Variants in SUGP2 observed in about 807,000 individuals in gnomAD.
SUGP2 encodes the protein SURP and G-patch domain containing 2, also known as SURP and G-patch domain-containing protein 2.
In SUGP2, 24 loss-of-function variants were observed where a neutral mutation model predicts 90.5. The observed-to-expected ratio is 0.27, with a 90% CI of 0.19 to 0.37. The LOEUF (loss-of-function observed/expected upper bound fraction) is 0.37, where lower values mean the gene tolerates loss of function less well. Among genes scored for constraint, SUGP2 ranks in the 10% least tolerant of loss-of-function variants. The pLI is 1.00. For synonymous variants in SUGP2, 473 were observed against 513.4 expected (o/e 0.92, Z 1.06); for missense variants, 1,233 against 1,363.3 (o/e 0.90, Z 1.51).
chr19:19,033,270 G>A lies in SUGP2; in HGVS notation c.-12+167C>T, dbSNP rs1338405592. The A allele has an allele frequency of 8.1e-6, 6 of 739,412 alleles. No homozygotes were observed. In the East Asian group the frequency reaches 5.2e-4, roughly 64 times the overall value. 45.8% of individuals were successfully genotyped at this position (739,412 alleles called of 1,614,324 possible). On this transcript the variant is annotated intron_variant, in intron 1 of 10. Transcript: ENST00000452918. Reference sequence around the variant, plus strand: ...GGAAATGGGGGCGCCGGGCCCGGGAGGCCGCAGCCGGCCACCCAGGCCAAC... The same window carrying A: ...GGAAATGGGGGCGCCGGGCCCGGGAAGCCGCAGCCGGCCACCCAGGCCAAC...
At chr19:19,004,902 G>C (rs941112859) in intron 6 of SUGP2, among the ~76,000 whole-genome samples, 3 of 152,192 alleles carry the variant, frequency 2.0e-5, no homozygotes, top group Non-Finnish European at 2.9e-5. Flanking sequence ...GACGAACAAG[G>C]TATGCAGGGC....
Position 19,004,348 on chromosome 19 carries a change from C to T in SUGP2, c.2749G>A (p.Gly917Ser). Reference protein sequence around the residue: ...PAPGGAGKSEGSTPADGLPGE... With the variant: ...PAPGGAGKSESSTPADGLPGE... ...GGAAGGCCGTCGGCAGGGGTGCTGC[C>T]CTCAGACTTGCCCGCCCCTCCAGGA... Residue 917 changes from glycine (G) to serine (S), a missense_variant, in exon 7 of 11, where the codon GGC becomes AGC. Physicochemically the swap from Gly to Ser is moderately conservative, Grantham distance 56 (BLOSUM62 0). Transcript: ENST00000452918. 6.2e-7 allele frequency: 1 copy of T among 1,613,550 alleles called. No homozygotes were observed. Among genetic ancestry groups the T allele is most frequent in the Non-Finnish European group, 8.5e-7 (1 of 1,179,728 alleles).
At chr19:19,026,334 T>C (rs747291711) in intron 2 of SUGP2, 108 bp from the exon 3 acceptor site, 7 of 1,085,086 alleles carry the variant, frequency 6.5e-6, no homozygotes, top group African/African-American at 4.8e-5. Context: ...GCAGCAAAAC[T>C]GCTTTATACA....
In SUGP2 at chr19:19,026,186, A is replaced by G; in HGVS notation, c.162T>C (p.Tyr54=). ...ATCTGCCATCGCTGTGGACGTCATC[A>G]TACATCTCTGCTCTGGATCTTGGGA... ...RAVPRSRAEM[Y]DDVHSDGRYS... is the part of the protein sequence containing the mutation. The change falls in exon 3 of 11, where the codon TAT becomes TAC. Residue 54 remains tyrosine, a synonymous_variant. Coordinates refer to ENST00000452918, the MANE Select transcript of SUGP2 (RefSeq NM_001017392.5). 1.9e-6 allele frequency: 3 copies of G among 1,611,498 alleles called. No individual in the cohort carries two copies. Among genetic ancestry groups the G allele is most frequent in the Non-Finnish European group, 2.5e-6 (3 of 1,179,234 alleles).
chr19:18,995,367 AC>A, intron 8 of SUGP2, 87 bp from the exon 9 acceptor site: 6 of 1,422,182 alleles, frequency 4.2e-6, no homozygotes, highest in Non-Finnish European at 5.6e-6. Context: ...GGAGCCCCTC[AC>A]CCCCAAATGC....
At chr19:19,033,368 C>T (rs979172622) in intron 1 of SUGP2, 69 bp downstream of exon 1, 40 of 1,196,906 alleles carry the variant, frequency 3.3e-5, no homozygotes, top group Non-Finnish European at 4.0e-5. Flanking sequence ...CGGGGCGGGC[C>T]CCCAAGGCCG....
rs769043198 is a variant in SUGP2, at chr19:19,010,159, C to T, written c.2034G>A (p.Gln678=). ...RNLKKKLLPW[Q]RRGLLRAQGL... is the part of the protein sequence containing the mutation. The stretch of plus-strand genomic sequence containing the variant: ...CTTGAGCACGGAGGAGCCCCCGCCG[C>T]TGCCACGGAAGGAGTTTCTTCTTGA... Residue 678 remains glutamine, a synonymous_variant, in exon 5 of 11, where the codon CAG becomes CAA. Transcript: ENST00000452918. The T allele has an allele frequency of 3.1e-6, 5 of 1,613,456 alleles. No individual in the cohort carries two copies. In the South Asian group the frequency reaches 4.4e-5, roughly 14 times the overall value.
intron 9 of SUGP2, chr19:18,994,928 A>AG: frequency 1.6e-6 from 1 of 610,178 alleles, no homozygotes; most frequent in Admixed American, 3.0e-5. Context: ...CAGGGCCAAC[A>AG]AGCTGGTTAA....
chr19:18,994,332 G>A (rs1450098274), intron 10 of SUGP2, 34 bp downstream of exon 10: 6 of 1,603,540 alleles, frequency 3.7e-6, no homozygotes, highest in Non-Finnish European at 4.3e-6. Context: ...GCCAGCGAGG[G>A]CAGACGGCCT....
intron 1 of SUGP2, among the ~76,000 whole-genome samples, chr19:19,031,345 C>A (rs2059141462): frequency 6.6e-6 from 1 of 152,042 alleles, no homozygotes; most frequent in Non-Finnish European, 1.5e-5. Flanking sequence ...ACCAGCCTGG[C>A]CAACATGGCA....
rs546767934 is a variant in SUGP2, at chr19:19,033,224, T to C, written c.-12+213A>G. On this transcript the variant is annotated intron_variant, in intron 1 of 10. Coordinates refer to ENST00000452918, the MANE Select transcript of SUGP2 (RefSeq NM_001017392.5). ...GAGCCTTTGTGGACGCGGCCCGCCG[T>C]CTCCCGGCCTCTGCGGGCGAGGAAA... 253 of 322,878 alleles carry C rather than the reference T, an allele frequency of 7.8e-4. 3 individuals are homozygous for C. Among genetic ancestry groups the C allele is most frequent in the African/African-American group, 5.3e-3 (237 of 44,826 alleles). The allele number at this position is 322,878 out of a possible 1,614,324, so 20.0% of individuals were successfully genotyped here. A position where few individuals can be genotyped will look rare whatever the true frequency, so the allele number is the denominator to read the frequency against.
chr19:18,993,149 TTTCA>T lies in SUGP2; in HGVS notation c.*588_*591del, dbSNP rs2057432605. On this transcript the variant is annotated 3_prime_UTR_variant, in exon 11 of 11. Coordinates refer to ENST00000452918, the MANE Select transcript of SUGP2 (RefSeq NM_001017392.5). ...GAGCTATTCTATACTGTTGCTAAAATTTCATTAAGTCTCTCAAGATGCATTGATG... is the reference window on the plus strand; with the variant it reads ...GAGCTATTCTATACTGTTGCTAAAATTTAAGTCTCTCAAGATGCATTGATG... 1 of 152,198 alleles carries T rather than the reference TTTCA, an allele frequency of 6.6e-6. No individual in the cohort carries two copies. Among genetic ancestry groups the T allele is most frequent in the African/African-American group, 2.4e-5 (1 of 41,452 alleles). The allele number at this position is 152,198 out of a possible 1,614,324, so 9.4% of individuals were successfully genotyped here.
At chr19:19,010,843 A>AAC (rs71871126) in intron 4 of SUGP2, among the ~76,000 whole-genome samples, 3,497 of 152,240 alleles carry the variant, frequency 0.023, 131 homozygotes, top group African/African-American at 0.08. Context: ...TACATGTACT[A>AAC]ACAGAAAAAT....
At chr19:18,994,878 A>G (rs1309803355) in intron 9 of SUGP2, 2 of 576,130 alleles carry the variant, frequency 3.5e-6, no homozygotes, top group Non-Finnish European at 6.2e-6. Context: ...CAGAAATACC[A>G]CTTAGCTTTT....
chr19:19,029,065 A>G (rs2145745078), intron 2 of SUGP2, among the ~76,000 whole-genome samples: 1 of 152,144 alleles, frequency 6.6e-6, no homozygotes, highest in East Asian at 1.9e-4. Flanking sequence ...TGCAGCCTCG[A>G]CTTCCTGGGC....
Position 19,006,199 on chromosome 19 carries a change from G to A in SUGP2, c.2451-1553C>T, listed in dbSNP as rs539438585. On this transcript the variant is annotated intron_variant, in intron 6 of 10. Coordinates refer to ENST00000452918, the MANE Select transcript of SUGP2 (RefSeq NM_001017392.5). The stretch of plus-strand genomic sequence containing the variant: ...CACACCACTGCACTCCAGCTTGGGC[G>A]ACAGAGTGAAATTCCGTCTCAAAAA... Among the ~76,000 whole-genome samples, 13 of 148,348 alleles carry A rather than the reference G, an allele frequency of 8.8e-5. No homozygotes were observed. In the East Asian group the frequency reaches 2.2e-3, roughly 25 times the overall value.
chr19:19,026,583 G>A (rs1174066057), intron 2 of SUGP2, among the ~76,000 whole-genome samples: 1 of 152,166 alleles, frequency 6.6e-6, no homozygotes, highest in African/African-American at 2.4e-5. Flanking sequence ...TAGCCATCTG[G>A]GTTGACAATC....
chr19:19,031,397 G>T (rs894269829), intron 1 of SUGP2, among the ~76,000 whole-genome samples: 1 of 152,148 alleles, frequency 6.6e-6, no homozygotes, highest in Non-Finnish European at 1.5e-5. Flanking sequence ...AGCCGGGCAT[G>T]GTGGTGCCTG....
chr19:19,022,594 G>C (rs2058768202), intron 3 of SUGP2, among the ~76,000 whole-genome samples: 1 of 152,222 alleles, frequency 6.6e-6, no homozygotes, highest in Non-Finnish European at 1.5e-5. Context: ...CATGCCTGCA[G>C]CTGCAGGAAA....
Sources: gnomAD v4.1 joint callset for allele counts (sites outside exome capture counted in the v4.1 genomes callset) on GRCh38, gnomAD v4.1.1 for gene constraint, MANE v1.5 for transcripts, NCBI Gene and HGNC (gene_info 2026-07-23, HGNC 2026-07-21) for gene names.